The following RUVBL1 variants were observed in gnomAD, a reference collection of about 807,000 sequenced individuals.
RUVBL1 encodes ruvB-like 1.
RUVBL1 carries 4 observed loss-of-function variants against 52.4 expected under a neutral mutation model. The observed-to-expected ratio is 0.08, with a 90% CI of 0.04 to 0.17. The LOEUF (loss-of-function observed/expected upper bound fraction) is 0.17. RUVBL1 is among the 10% of genes least tolerant of loss of function. RUVBL1 has a pLI of 1.00. For missense variants in RUVBL1, 298 were observed against 572.8 expected (o/e 0.52, Z 4.90); for synonymous variants, 217 against 214.4 (o/e 1.01, Z -0.10).
intron 3 of RUVBL1, among the ~76,000 whole-genome samples, chr3:128,109,364 G>A (rs996664855): frequency 6.6e-6 from 1 of 152,112 alleles, no homozygotes; most frequent in African/African-American, 2.4e-5. Flanking sequence ...GGGCAACATA[G>A]TGAGACCCCA....
At chr3:128,136,792 A>G (rs1943954382) in intron 1 of RUVBL1, among the ~76,000 whole-genome samples, 1 of 152,192 alleles carries the variant, frequency 6.6e-6, no homozygotes, top group Admixed American at 6.5e-5. Flanking sequence ...TTTCAAGACA[A>G]AAACTATATA....
At chr3:128,100,796 C>A in intron 5 of RUVBL1, 52 bp from the exon 6 acceptor site, 2 of 1,607,952 alleles carry the variant, frequency 1.2e-6, no homozygotes, top group South Asian at 2.2e-5. Context: ...TGCCAAGTCC[C>A]CAAATGGCAC....
At chr3:128,131,816 G>A (rs563607575) in intron 1 of RUVBL1, among the ~76,000 whole-genome samples, 3 of 152,326 alleles carry the variant, frequency 2.0e-5, no homozygotes, top group South Asian at 4.1e-4. Context: ...AGTTGCCTAT[G>A]AGAGGGAGGC....
chr3:128,113,790 T>G (rs1040983147), intron 2 of RUVBL1, among the ~76,000 whole-genome samples: 1 of 152,232 alleles, frequency 6.6e-6, no homozygotes, highest in Non-Finnish European at 1.5e-5. Flanking sequence ...TATATGGCTC[T>G]GACCTAATTG....
At chr3:128,125,991 AGAAG>A (rs1014159881), upstream of RUVBL1, among the ~76,000 whole-genome samples, 16 of 152,238 alleles carry the variant, frequency 1.1e-4, no homozygotes, top group African/African-American at 3.9e-4. Context: ...TGGCACAGAA[AGAAG>A]GATTTCCTTC....
At chr3:128,122,135 G>A (rs1943665251) in intron 1 of RUVBL1, among the ~76,000 whole-genome samples, 2 of 152,152 alleles carry the variant, frequency 1.3e-5, no homozygotes, top group African/African-American at 4.8e-5. Context: ...TAAAATACTG[G>A]CTCTCGCACT....
chr3:128,099,979 G>C (rs1943075458), intron 6 of RUVBL1, among the ~76,000 whole-genome samples: 1 of 152,194 alleles, frequency 6.6e-6, no homozygotes, highest in South Asian at 2.1e-4. Flanking sequence ...TCCAAGATGA[G>C]TCTTCAGTAA....
intron 9 of RUVBL1, among the ~76,000 whole-genome samples, chr3:128,087,260 A>G (rs1297699990): frequency 6.6e-6 from 1 of 152,264 alleles, no homozygotes; most frequent in East Asian, 1.9e-4. Context: ...CTGTTGGTTC[A>G]GGTGGAACAG....
intron 8 of RUVBL1, among the ~76,000 whole-genome samples, chr3:128,096,806 G>A (rs752700374): frequency 2.0e-5 from 3 of 151,640 alleles, no homozygotes; most frequent in African/African-American, 4.8e-5. Flanking sequence ...CAGCCTGGGC[G>A]ACACAGTGAG....
intron 4 of RUVBL1, among the ~76,000 whole-genome samples, chr3:128,102,115 T>G (rs1296255162): frequency 1.8e-4 from 28 of 152,234 alleles, no homozygotes; most frequent in Admixed American, 1.7e-3. Flanking sequence ...GGTGGAACTT[T>G]CCACAACTGA....
rs567117225 is a variant in RUVBL1 at position 128,150,391 on chromosome 3, A to C, written c.-40+2812T>G. On this transcript the variant is annotated intron_variant, in intron 1 of 9. Coordinates refer to the RUVBL1 transcript ENST00000464873. ...CAGGCTACAGACTCTCAGGGTGAGA[A>C]TTTCTGAGTCAGAGATAATGTTGTC... Among the ~76,000 whole-genome samples, 169 of 151,602 alleles carry C rather than the reference A, an allele frequency of 1.1e-3. 2 individuals carry two copies. Among genetic ancestry groups the C allele is most frequent in the Middle Eastern group, 6.9e-3 (2 of 290 alleles).
intron 3 of RUVBL1, among the ~76,000 whole-genome samples, chr3:128,111,623 C>T (rs1018635719): frequency 2.6e-5 from 4 of 152,186 alleles, no homozygotes; most frequent in Admixed American, 1.3e-4. Context: ...TATCCACTCC[C>T]AACCCAGCCG....
intron 1 of RUVBL1, among the ~76,000 whole-genome samples, chr3:128,149,497 TA>T (rs138081963): frequency 4.3e-4 from 65 of 152,350 alleles, no homozygotes; most frequent in African/African-American, 1.5e-3. Flanking sequence ...TGTCTTGATA[TA>T]ATTTCAAACT....
intron 3 of RUVBL1, among the ~76,000 whole-genome samples, chr3:128,112,284 C>T (rs1278692533): frequency 2.0e-5 from 3 of 152,190 alleles, no homozygotes; most frequent in African/African-American, 7.2e-5. Flanking sequence ...TAACTGGGTC[C>T]CTAGCAAGTT....
intron 3 of RUVBL1, among the ~76,000 whole-genome samples, chr3:128,109,931 T>C (rs1377127385): frequency 6.8e-6 from 1 of 147,282 alleles, no homozygotes; most frequent in African/African-American, 2.5e-5. Context: ...TTCTCCTGCC[T>C]CAGCCTCCCA....
At chr3:128,131,608 A>T (rs1266148428) in intron 1 of RUVBL1, among the ~76,000 whole-genome samples, 1 of 152,262 alleles carries the variant, frequency 6.6e-6, no homozygotes, top group Non-Finnish European at 1.5e-5. Flanking sequence ...AACCCAATTT[A>T]GCAGTGTGTT....
chr3:128,141,527 G>A (rs569884181), intron 1 of RUVBL1, among the ~76,000 whole-genome samples: 3 of 152,050 alleles, frequency 2.0e-5, no homozygotes, highest in African/African-American at 4.8e-5. Context: ...ACAGAGTCTC[G>A]CTCTGTCACC....
chr3:128,128,753 A>C (rs551311099), upstream of RUVBL1, among the ~76,000 whole-genome samples: 1 of 152,304 alleles, frequency 6.6e-6, no homozygotes, highest in Admixed American at 6.5e-5. Flanking sequence ...AGAGAGGAGA[A>C]GATAGATTGG....
intron 8 of RUVBL1, among the ~76,000 whole-genome samples, chr3:128,092,740 T>C (rs1479313263): frequency 6.6e-6 from 1 of 152,236 alleles, no homozygotes; most frequent in Non-Finnish European, 1.5e-5. Flanking sequence ...CCTTCGTCCA[T>C]TGCTGGTAGG....
Sources: gnomAD v4.1 joint callset for allele counts (sites outside exome capture counted in the v4.1 genomes callset) on GRCh38, gnomAD v4.1.1 for gene constraint, MANE v1.5 for transcripts, NCBI Gene and HGNC (gene_info 2026-07-23, HGNC 2026-07-21) for gene names.